Variants in DIP2C observed in about 807,000 individuals in gnomAD.
The protein encoded by DIP2C is disco-interacting protein 2 homolog C.
Under a neutral mutation model 192.4 loss-of-function variants are expected in DIP2C, and 33 were observed. The observed-to-expected ratio is 0.17, with a 90% CI of 0.13 to 0.23. The LOEUF (loss-of-function observed/expected upper bound fraction) is 0.23. Ranked by LOEUF, DIP2C falls within the 10% of genes least tolerant of loss-of-function variation. The pLI is 1.00. For missense variants in DIP2C, 1,537 were observed against 2,110.1 expected (o/e 0.73, Z 5.32); for synonymous variants, 979 against 864.1 (o/e 1.13, Z -2.33).
At chr10:505,615 G>T (rs963905221) in intron 1 of DIP2C, among the ~76,000 whole-genome samples, 1 of 151,198 alleles carries the variant, frequency 6.6e-6, no homozygotes, top group Non-Finnish European at 1.5e-5. Flanking sequence ...CACCTGCCCA[G>T]CTATATTCCC....
chr10:288,291 C>T, intron 33 of DIP2C, 73 bp downstream of exon 33: 1 of 1,378,860 alleles, frequency 7.3e-7, no homozygotes, highest in Non-Finnish European at 1.0e-6. Flanking sequence ...AAATACATTT[C>T]CTAAAATTTC....
intron 1 of DIP2C, among the ~76,000 whole-genome samples, chr10:536,466 C>CA (rs1847702307): frequency 6.6e-6 from 1 of 151,948 alleles, no homozygotes; most frequent in African/African-American, 2.4e-5. Flanking sequence ...TATCTATCTG[C>CA]AAAGACCCTG....
intron 4 of DIP2C, among the ~76,000 whole-genome samples, chr10:436,327 C>G (rs1170835841): frequency 2.0e-5 from 3 of 152,244 alleles, no homozygotes; most frequent in Non-Finnish European, 4.4e-5. Context: ...CTTTCCAGCT[C>G]TTGTTTTAGC....
chr10:450,269 T>C (rs1968747075), intron 3 of DIP2C, among the ~76,000 whole-genome samples: 1 of 152,090 alleles, frequency 6.6e-6, no homozygotes. Context: ...CCGTGTTGCA[T>C]TTGAATGACT....
At chr10:582,801 CTG>C (rs1343132111) in intron 1 of DIP2C, among the ~76,000 whole-genome samples, 1 of 152,164 alleles carries the variant, frequency 6.6e-6, no homozygotes, top group East Asian at 1.9e-4. Context: ...GAATCAGACA[CTG>C]TAATGACACA....
At chr10:576,937 G>A (rs1299507116) in intron 1 of DIP2C, among the ~76,000 whole-genome samples, 3 of 151,844 alleles carry the variant, frequency 2.0e-5, no homozygotes, top group Non-Finnish European at 4.4e-5. Flanking sequence ...AAAATAAGAG[G>A]GCAAGATGAA....
At chr10:687,601 G>T (rs1332792522) in intron 1 of DIP2C, among the ~76,000 whole-genome samples, 1 of 152,208 alleles carries the variant, frequency 6.6e-6, no homozygotes, top group Non-Finnish European at 1.5e-5. Flanking sequence ...AACTCATTAA[G>T]CCCTTTTTAA....
intron 10 of DIP2C, among the ~76,000 whole-genome samples, chr10:396,579 A>C (rs550437194): frequency 4.4e-4 from 67 of 152,328 alleles, no homozygotes; most frequent in African/African-American, 1.5e-3. Context: ...ACCTCAGAGC[A>C]TGTCCAGAGA....
At chr10:527,005 AG>A (rs927266274) in intron 1 of DIP2C, among the ~76,000 whole-genome samples, 18 of 152,172 alleles carry the variant, frequency 1.2e-4, no homozygotes, top group African/African-American at 3.4e-4. Flanking sequence ...GGAGGCGGAC[AG>A]GGTAAGGGCA....
At chr10:431,609 G>A (rs1226694604) in intron 4 of DIP2C, among the ~76,000 whole-genome samples, 1 of 152,154 alleles carries the variant, frequency 6.6e-6, no homozygotes, top group Non-Finnish European at 1.5e-5. Flanking sequence ...TTCTTTGCTG[G>A]TAAACAGGAA....
chr10:619,099 G>A (rs1262739181), intron 1 of DIP2C, among the ~76,000 whole-genome samples: 2 of 152,168 alleles, frequency 1.3e-5, no homozygotes, highest in African/African-American at 2.4e-5. Context: ...CTTCAGTTAT[G>A]TGAGGAAAGG....
chr10:497,706 C>T (rs1243145952), intron 1 of DIP2C, among the ~76,000 whole-genome samples: 7 of 152,080 alleles, frequency 4.6e-5, no homozygotes, highest in African/African-American at 9.7e-5. Flanking sequence ...GAGAAGCGTC[C>T]GGTAATGTTA....
At chr10:380,697 C>T (rs943026350) in intron 17 of DIP2C, among the ~76,000 whole-genome samples, 34 of 152,204 alleles carry the variant, frequency 2.2e-4, no homozygotes, top group South Asian at 4.1e-4. Flanking sequence ...CCACATTGGA[C>T]GTGACGACCT....
At chr10:398,384 G>A (rs1022138942) in intron 10 of DIP2C, among the ~76,000 whole-genome samples, 1 of 152,180 alleles carries the variant, frequency 6.6e-6, no homozygotes. Flanking sequence ...GAAAATCTTA[G>A]AATCCACCTG....
chr10:367,372 G>A (rs1019616468), intron 18 of DIP2C, among the ~76,000 whole-genome samples: 16 of 151,018 alleles, frequency 1.1e-4, no homozygotes, highest in Non-Finnish European at 2.4e-4. Context: ...AACCGAGATC[G>A]CGCCACTGCA....
At chr10:387,639 C>T (rs1365083486) in intron 14 of DIP2C, 106 bp downstream of exon 14, 1 of 943,908 alleles carries the variant, frequency 1.1e-6, no homozygotes, top group Non-Finnish European at 1.7e-6. Context: ...GGGGAGGGGA[C>T]TCCTGTGTGG....
rs771460412 is a variant in DIP2C, at chr10:364,407, G to A, written c.2444C>T (p.Ala815Val). 6.2e-7 allele frequency: 1 copy of A among 1,614,012 alleles called. No individual in the cohort carries two copies. Among genetic ancestry groups the A allele is most frequent in the Non-Finnish European group, 8.5e-7 (1 of 1,180,008 alleles). The change falls in exon 20 of 37, where the codon GCC becomes GTC. Residue 815 changes from alanine (A) to valine (V), a missense_variant. Ala to Val is a moderately conservative substitution (Grantham distance 64, BLOSUM62 0). Transcript: ENST00000280886. Reference sequence around the variant, plus strand: ...GTAGACAAACTTCATGGGTTCTACGGCCAGCGCAGTGGCCACGATGTCGTC... The same window carrying A: ...GTAGACAAACTTCATGGGTTCTACGACCAGCGCAGTGGCCACGATGTCGTC... The part of the protein sequence containing the change: ...NADDIVATAL[A>V]VEPMKFVYRG...
chr10:418,892 T>C (rs911872360), intron 6 of DIP2C, among the ~76,000 whole-genome samples, 173 bp downstream of exon 6: 18 of 152,226 alleles, frequency 1.2e-4, no homozygotes, highest in African/African-American at 4.3e-4. Context: ...TGGAGAATAT[T>C]TGCATTTTTG....
At chr10:300,437 A>C (rs1252807239) in intron 32 of DIP2C, among the ~76,000 whole-genome samples, 1 of 152,240 alleles carries the variant, frequency 6.6e-6, no homozygotes, top group Non-Finnish European at 1.5e-5. Context: ...GTACCTACCT[A>C]GAGTAGTCAA....
Sources: gnomAD v4.1 joint callset for allele counts (sites outside exome capture counted in the v4.1 genomes callset) on GRCh38, gnomAD v4.1.1 for gene constraint, MANE v1.5 for transcripts, NCBI Gene and HGNC (gene_info 2026-07-23, HGNC 2026-07-21) for gene names.